AR: variants seen among roughly 807,000 people sequenced by gnomAD.
The protein encoded by AR is androgen receptor.
In AR, 8 loss-of-function variants were observed where a neutral mutation model predicts 53.9. That is an observed-to-expected ratio of 0.15 (90% confidence interval 0.09 to 0.27). The LOEUF is 0.27. AR is among the 10% of genes least tolerant of loss of function. The pLI is 1.00. For synonymous variants in AR, 359 were observed against 316.4 expected, an observed-to-expected ratio of 1.13 and a Z score of -1.43; for missense variants, 639 against 742.5, an observed-to-expected ratio of 0.86 and a Z score of 1.62.
intron 2 of AR, among the ~76,000 whole-genome samples, chrX:67,668,956 T>C (rs1436297534): frequency 9.0e-6 from 1 of 111,676 alleles, no homozygotes; most frequent in Admixed American, 9.5e-5. Flanking sequence ...TTTCTTAGTC[T>C]AGCTAAATAT....
chrX:67,602,662 C>G (rs1018750379), intron 1 of AR, among the ~76,000 whole-genome samples: 8 of 111,546 alleles, frequency 7.2e-5, no homozygotes, highest in Non-Finnish European at 1.1e-4. Flanking sequence ...CTCAGACCTA[C>G]AGCCATAAAG....
At chrX:67,610,781 A>C (rs937590034) in intron 1 of AR, among the ~76,000 whole-genome samples, 4 of 111,308 alleles carry the variant, frequency 3.6e-5, no homozygotes, top group Non-Finnish European at 7.5e-5. Flanking sequence ...TGTTTCCCTA[A>C]CTCTTTTGAT....
intron 2 of AR, among the ~76,000 whole-genome samples, chrX:67,677,484 A>G (rs889628462): frequency 1.8e-5 from 2 of 112,024 alleles, no homozygotes; most frequent in South Asian, 3.7e-4. Flanking sequence ...ATAGTGACCT[A>G]TAACATTTCG....
At chrX:67,706,758 C>A (rs1005212095) in intron 3 of AR, among the ~76,000 whole-genome samples, 1 of 111,846 alleles carries the variant, frequency 8.9e-6, no homozygotes, top group African/African-American at 3.3e-5. Flanking sequence ...AATTTTAGAT[C>A]TTTCCTGCTT....
At chrX:67,570,820 C>T (rs1921783417) in intron 1 of AR, among the ~76,000 whole-genome samples, 1 of 110,696 alleles carries the variant, frequency 9.0e-6, no homozygotes, top group Non-Finnish European at 1.9e-5. Context: ...TGAAGTGTTA[C>T]TACAGATGGT....
intron 3 of AR, among the ~76,000 whole-genome samples, chrX:67,702,179 T>G (rs1439804948): frequency 9.0e-6 from 1 of 111,508 alleles, no homozygotes; most frequent in Non-Finnish European, 1.9e-5. Context: ...TAAGATCATG[T>G]GGAATTAAGT....
At chrX:67,589,063 C>CA (rs780229769) in intron 1 of AR, among the ~76,000 whole-genome samples, 10 of 112,389 alleles carry the variant, frequency 8.9e-5, no homozygotes, top group African/African-American at 2.9e-4. Context: ...AGCAAGTCTT[C>CA]AAAAAATGCT....
rs1486649723 is a variant in AR at position 67,719,274 on chromosome X, C to T, written c.2318+1652C>T. 3.0e-4 allele frequency among the ~76,000 whole-genome samples: 33 copies of T among 111,814 alleles called. No individual in the cohort carries two copies. The Admixed American group carries it at 3.1e-3, about 11-fold the overall frequency. ...ATCTTCTGGGGCAGGCCTTGAAAAG[C>T]CCCCTAACTGTTCATCTCCCATCCT... On this transcript the variant is annotated intron_variant, in intron 5 of 7. Transcript: ENST00000374690.
chrX:67,670,355 T>TA (rs1447921635), intron 2 of AR, among the ~76,000 whole-genome samples: 3 of 98,937 alleles, frequency 3.0e-5, no homozygotes, highest in Admixed American at 1.1e-4. Context: ...TTGTTCTTAT[T>TA]AAAAAATAGT....
chrX:67,666,372 G>C (rs1927262344), intron 2 of AR, among the ~76,000 whole-genome samples: 1 of 111,788 alleles, frequency 8.9e-6, no homozygotes, highest in African/African-American at 3.2e-5. Context: ...TTCCATCCAT[G>C]TTATTGCAAA....
chrX:67,644,208 C>A (rs990092061), intron 2 of AR, among the ~76,000 whole-genome samples: 1 of 111,907 alleles, frequency 8.9e-6, no homozygotes, highest in Non-Finnish European at 1.9e-5. Context: ...GTAATGTCTC[C>A]TTCCTCTAAC....
intron 1 of AR, among the ~76,000 whole-genome samples, chrX:67,575,482 C>A (rs969434423): frequency 1.6e-4 from 18 of 111,176 alleles, no homozygotes; most frequent in Non-Finnish European, 2.8e-4. Context: ...TGCGGATACA[C>A]CAAAAACTCT....
At chrX:67,682,258 A>G (rs562142114) in intron 2 of AR, among the ~76,000 whole-genome samples, 1 of 111,274 alleles carries the variant, frequency 9.0e-6, no homozygotes, top group Admixed American at 9.6e-5. Context: ...AATCCCTGTT[A>G]TACTTACTTT....
chrX:67,551,573 C>A (rs1160416226), intron 1 of AR, among the ~76,000 whole-genome samples: 1 of 111,648 alleles, frequency 9.0e-6, no homozygotes, highest in South Asian at 3.7e-4. Flanking sequence ...AAAAAAGAGA[C>A]GGTGTTTTCC....
At chrX:67,663,130 G>A (rs1311700139) in intron 2 of AR, among the ~76,000 whole-genome samples, 2 of 111,330 alleles carry the variant, frequency 1.8e-5, no homozygotes, top group South Asian at 3.8e-4. Flanking sequence ...TTACATTTAA[G>A]GTTAATATTG....
At chrX:67,651,285 G>A (rs1166438955) in intron 2 of AR, among the ~76,000 whole-genome samples, 1 of 107,235 alleles carries the variant, frequency 9.3e-6, no homozygotes, top group Non-Finnish European at 1.9e-5. Flanking sequence ...CTGACCTCGT[G>A]ATCCACCCAC....
rs1340756260 is a variant in AR, at chrX:67,729,841, A to G, written c.*6000A>G. 2.9e-5 allele frequency: 5 copies of G among 171,658 alleles called. No homozygotes were observed. The Admixed American group carries it at 4.0e-4, about 14-fold the overall frequency. 14.1% of individuals were successfully genotyped at this position (171,658 alleles called of 1,213,427 possible). A position where few individuals can be genotyped will look rare whatever the true frequency, so the allele number is the denominator to read the frequency against. ...CAGTATGGGAACCTGTACTCTGCAG[A>G]GGTGACAGGCCAGATTTGCATTATC... On this transcript the variant is annotated 3_prime_UTR_variant, in exon 8 of 8. Transcript: ENST00000374690.
intron 1 of AR, among the ~76,000 whole-genome samples, chrX:67,577,961 G>A (rs1922133101): frequency 9.0e-6 from 1 of 111,407 alleles, no homozygotes; most frequent in Non-Finnish European, 1.9e-5. Flanking sequence ...AGCTGCATTA[G>A]CCACTTTGCT....
intron 1 of AR, among the ~76,000 whole-genome samples, chrX:67,632,409 C>T (rs937255685): frequency 1.8e-5 from 2 of 112,289 alleles, no homozygotes; most frequent in Non-Finnish European, 3.8e-5. Flanking sequence ...TTTCCAGGTG[C>T]CGTCTGTCAC....
Sources: allele counts gnomAD v4.1 joint callset (sites outside exome capture counted in the v4.1 genomes callset), GRCh38; gene constraint gnomAD v4.1.1; transcripts MANE v1.5; gene names NCBI Gene and HGNC (gene_info 2026-07-23, HGNC 2026-07-21).